The following INPP5A variants were observed in gnomAD, a reference collection of about 807,000 sequenced individuals.
INPP5A encodes inositol polyphosphate-5-phosphatase A, also known as 43 kDa inositol polyphosphate 5-phophatase.
INPP5A carries 14 observed loss-of-function variants against 65.2 expected under a neutral mutation model. That is an observed-to-expected ratio of 0.21 (90% CI 0.14 to 0.34). The LOEUF (loss-of-function observed/expected upper bound fraction) is 0.34. Among genes scored for constraint, INPP5A ranks in the 10% least tolerant of loss-of-function variants. The pLI, the probability that INPP5A is intolerant of heterozygous loss-of-function variation, is 1.00. For synonymous variants in INPP5A, 207 were observed against 208.3 expected (o/e 0.99, Z 0.05); for missense variants, 431 against 545.6 (o/e 0.79, Z 2.09).
intron 11 of INPP5A, among the ~76,000 whole-genome samples, chr10:132,763,208 T>C (rs1846764494): frequency 6.6e-6 from 1 of 152,210 alleles, no homozygotes; most frequent in African/African-American, 2.4e-5. Flanking sequence ...TTTCTGACTC[T>C]CAGCAGATCT....
intron 8 of INPP5A, among the ~76,000 whole-genome samples, chr10:132,712,840 G>T (rs1845670021): frequency 6.6e-6 from 1 of 151,404 alleles, no homozygotes; most frequent in Admixed American, 6.6e-5. Flanking sequence ...GGGTGCATAT[G>T]TGTAGGCTTG....
intron 3 of INPP5A, 108 bp downstream of exon 3, chr10:132,646,076 A>C: frequency 1.4e-6 from 1 of 711,276 alleles, no homozygotes; most frequent in Non-Finnish European, 2.5e-6. Context: ...TTCGGGACTC[A>C]CCTGGGGGTC....
intron 2 of INPP5A, among the ~76,000 whole-genome samples, chr10:132,639,182 G>A (rs1029704830): frequency 6.6e-6 from 1 of 152,036 alleles, no homozygotes; most frequent in Non-Finnish European, 1.5e-5. Context: ...CTCCAGCCCT[G>A]CCCAGCCATC....
At position 132,575,737 on chromosome 10, in the gene INPP5A, C is replaced by G. The variant is rs1467207059; in HGVS notation, c.76-32178C>G. ...CTCAGGACAGCCTTTCCCCGGTTCCCTGTGTCCCTCTGGCCGTGGGCTCCC... is the reference window on the plus strand; with the variant it reads ...CTCAGGACAGCCTTTCCCCGGTTCCGTGTGTCCCTCTGGCCGTGGGCTCCC... On this transcript the variant is annotated intron_variant, in intron 1 of 15. Coordinates refer to ENST00000368594, the MANE Select transcript of INPP5A (RefSeq NM_005539.5). The surrounding 1 kb of genome is among the most constrained non-coding windows in gnomAD (Gnocchi z 5.4). Among the ~76,000 whole-genome samples, 5 of 152,160 alleles carry G rather than the reference C, an allele frequency of 3.3e-5. No homozygotes were observed. Among genetic ancestry groups the G allele is most frequent in the Non-Finnish European group, 7.3e-5 (5 of 68,028 alleles).
chr10:132,696,300 G>A (rs1431989264), intron 5 of INPP5A, among the ~76,000 whole-genome samples: 1 of 152,184 alleles, frequency 6.6e-6, no homozygotes, highest in Non-Finnish European at 1.5e-5. Flanking sequence ...AGCAAGGTGT[G>A]TCATGCCATT....
intron 4 of INPP5A, among the ~76,000 whole-genome samples, chr10:132,681,006 C>A (rs750659147): frequency 5.3e-5 from 8 of 152,264 alleles, no homozygotes; most frequent in Non-Finnish European, 1.0e-4. Context: ...GGCGCCCAGT[C>A]CCATCGACCA....
Position 132,704,550 on chromosome 10 carries a change from C to T in INPP5A, c.475-3763C>T, listed in dbSNP as rs1564973110. The stretch of plus-strand genomic sequence containing the variant: ...GGCAACATGGGCTCTGTCCTCCCCT[C>T]CTTGTACCCGAGGCCCCACAGCTGG... On this transcript the variant is annotated intron_variant, in intron 6 of 15. Coordinates refer to ENST00000368594, the MANE Select transcript of INPP5A (RefSeq NM_005539.5). The surrounding 1 kb of genome is among the most constrained non-coding windows in gnomAD (Gnocchi z 4.5). Among the ~76,000 whole-genome samples the T allele has an allele frequency of 6.6e-6, 1 of 152,254 alleles. No homozygotes were observed. The highest frequency in any genetic ancestry group is 6.5e-5 in the Admixed American group (1 of 15,294).
intron 12 of INPP5A, among the ~76,000 whole-genome samples, chr10:132,770,314 C>T (rs1442064248): frequency 1.3e-5 from 2 of 152,258 alleles, no homozygotes; most frequent in African/African-American, 4.8e-5. Context: ...CATCGGGTGG[C>T]TCCTGTTGCA....
chr10:132,692,750 G>T (rs757096347), intron 5 of INPP5A, among the ~76,000 whole-genome samples: 4 of 152,196 alleles, frequency 2.6e-5, no homozygotes, highest in Non-Finnish European at 5.9e-5. Context: ...AGCAAAAATT[G>T]AAGTAATTTG....
intron 1 of INPP5A, among the ~76,000 whole-genome samples, chr10:132,557,884 C>T (rs898497451): frequency 2.6e-5 from 4 of 152,124 alleles, no homozygotes; most frequent in Non-Finnish European, 5.9e-5. Flanking sequence ...GGGAGTGACG[C>T]CAGGCTGGAC....
chr10:132,719,653 G>C (rs569899843), intron 8 of INPP5A, among the ~76,000 whole-genome samples: 2 of 149,192 alleles, frequency 1.3e-5, no homozygotes, highest in Non-Finnish European at 3.0e-5. Context: ...TGTGGTACCT[G>C]GGTTCTGTCT....
chr10:132,682,772 AT>A (rs2133459638), intron 4 of INPP5A, among the ~76,000 whole-genome samples: 1 of 152,034 alleles, frequency 6.6e-6, no homozygotes, highest in East Asian at 2.0e-4. Context: ...TATTATATAC[AT>A]ATGCACTCAT....
intron 2 of INPP5A, among the ~76,000 whole-genome samples, chr10:132,612,494 G>A (rs1225960849): frequency 5.9e-5 from 9 of 152,060 alleles, no homozygotes; most frequent in Admixed American, 1.3e-4. Flanking sequence ...CCTGTTTTGG[G>A]GGTTCGGGGA....
At chr10:132,703,022 A>G (rs1845461439) in intron 6 of INPP5A, among the ~76,000 whole-genome samples, 1 of 152,088 alleles carries the variant, frequency 6.6e-6, no homozygotes. Flanking sequence ...CCGAGCCCAC[A>G]CACCGGGGTT....
intron 12 of INPP5A, among the ~76,000 whole-genome samples, 186 bp from the exon 13 acceptor site, chr10:132,777,485 C>T (rs781655908): frequency 5.3e-5 from 8 of 152,240 alleles, no homozygotes; most frequent in Non-Finnish European, 1.2e-4. Context: ...CACATAAAAA[C>T]AGTTTGATAT....
At chr10:132,736,338 G>T (rs577158626) in intron 9 of INPP5A, among the ~76,000 whole-genome samples, 1 of 152,360 alleles carries the variant, frequency 6.6e-6, no homozygotes, top group Non-Finnish European at 1.5e-5. Flanking sequence ...CACACCTGCC[G>T]TCCATCACGT....
intron 9 of INPP5A, among the ~76,000 whole-genome samples, chr10:132,746,200 G>A (rs1307532321): frequency 6.6e-6 from 1 of 152,266 alleles, no homozygotes; most frequent in African/African-American, 2.4e-5. Context: ...TGCGTGCGGT[G>A]CCTGGAGGCT....
chr10:132,560,906 G>A (rs1290040645), intron 1 of INPP5A, among the ~76,000 whole-genome samples: 1 of 151,714 alleles, frequency 6.6e-6, no homozygotes, highest in Non-Finnish European at 1.5e-5. Context: ...ACCATGCCCA[G>A]GCTTTTTTTT....
intron 4 of INPP5A, among the ~76,000 whole-genome samples, chr10:132,688,774 G>T (rs1564965369): frequency 6.6e-6 from 1 of 152,070 alleles, no homozygotes; most frequent in African/African-American, 2.4e-5. Context: ...GTGCACGAAT[G>T]AGTTCGTGTG....
Sources: allele counts gnomAD v4.1 joint callset (sites outside exome capture counted in the v4.1 genomes callset), GRCh38; gene constraint gnomAD v4.1.1; non-coding constraint Gnocchi (gnomAD v3.1); transcripts MANE v1.5; gene names NCBI Gene and HGNC (gene_info 2026-07-23, HGNC 2026-07-21).